AOPEP: variants seen among roughly 807,000 people sequenced by gnomAD.
The protein encoded by AOPEP is aminopeptidase O (putative).
Under a neutral mutation model 98.1 loss-of-function variants are expected in AOPEP, and 77 were observed. That is an observed-to-expected ratio of 0.78 (90% CI 0.65 to 0.95). The LOEUF (loss-of-function observed/expected upper bound fraction) is 0.95, where lower values mean the gene tolerates loss of function less well. Among genes scored for constraint, AOPEP ranks in the 40% least tolerant of loss-of-function variants. The pLI is 0.00. For missense variants in AOPEP, 1,024 were observed against 1,024.7 expected (o/e 1.00, Z 0.01); for synonymous variants, 346 against 365.3 (o/e 0.95, Z 0.60).
chr9:94,733,182 T>C (rs1182422873), intron 1 of AOPEP, among the ~76,000 whole-genome samples: 1 of 149,486 alleles, frequency 6.7e-6, no homozygotes, highest in Non-Finnish European at 1.5e-5. Flanking sequence ...TCACAACTCA[T>C]TGCAAGCTTA....
intron 13 of AOPEP, among the ~76,000 whole-genome samples, chr9:95,010,541 C>T (rs1347557499): frequency 3.9e-5 from 6 of 152,356 alleles, no homozygotes; most frequent in African/African-American, 1.4e-4. Context: ...CAGTTGAGTG[C>T]TTTCCCAGGC....
At chr9:94,862,182 T>C (rs2045103825) in intron 5 of AOPEP, among the ~76,000 whole-genome samples, 1 of 152,178 alleles carries the variant, frequency 6.6e-6, no homozygotes, top group Non-Finnish European at 1.5e-5. Context: ...TGAGTGAGAC[T>C]TCACATGTGC....
At chr9:95,002,046 G>A (rs1370978019) in intron 11 of AOPEP, among the ~76,000 whole-genome samples, 4 of 151,728 alleles carry the variant, frequency 2.6e-5, no homozygotes, top group East Asian at 1.9e-4. Flanking sequence ...CCCAAAGTGC[G>A]GGGATTACAG....
the AOPEP span, among the ~76,000 whole-genome samples, chr9:95,094,053 C>T: frequency 6.6e-6 from 1 of 152,182 alleles, no homozygotes; most frequent in Admixed American, 6.5e-5. Context: ...CTCTCTCTCC[C>T]CCACCCCTTT....
At chr9:94,821,725 G>A (rs1853183309) in intron 5 of AOPEP, among the ~76,000 whole-genome samples, 1 of 152,192 alleles carries the variant, frequency 6.6e-6, no homozygotes, top group Admixed American at 6.5e-5. Flanking sequence ...CAGAGCCTAT[G>A]CTGCTACCCT....
At chr9:95,117,257 T>C in the AOPEP span, 2 of 1,498,840 alleles carry the variant, frequency 1.3e-6, no homozygotes, top group Non-Finnish European at 1.9e-6. Context: ...AGGTCATAAT[T>C]TGACAATGCT....
downstream of AOPEP, among the ~76,000 whole-genome samples, chr9:95,091,411 A>C (rs1315395610): frequency 6.6e-6 from 1 of 152,218 alleles, no homozygotes; most frequent in Non-Finnish European, 1.5e-5. Flanking sequence ...TCAGGGGTTC[A>C]CATTAAAGTG....
chr9:94,952,244 C>T (rs1183573683), intron 7 of AOPEP, among the ~76,000 whole-genome samples: 1 of 152,204 alleles, frequency 6.6e-6, no homozygotes, highest in Non-Finnish European at 1.5e-5. Context: ...CAAGTGTATG[C>T]TGTTTCATGT....
chr9:95,128,909 CTT>C, the AOPEP span, among the ~76,000 whole-genome samples: 36 of 144,490 alleles, frequency 2.5e-4, no homozygotes, highest in Non-Finnish European at 2.1e-4. Flanking sequence ...AACCAGTCTC[CTT>C]TTTTTTTTTT....
At chr9:94,835,380 T>A (rs888231944) in intron 5 of AOPEP, among the ~76,000 whole-genome samples, 6 of 152,218 alleles carry the variant, frequency 3.9e-5, no homozygotes, top group Non-Finnish European at 7.3e-5. Flanking sequence ...TGTCTCTTCC[T>A]AACCTTGGCC....
chr9:95,044,655 A>C (rs1321228269), intron 13 of AOPEP, among the ~76,000 whole-genome samples: 1 of 151,992 alleles, frequency 6.6e-6, no homozygotes. Context: ...AGGCTGCAGA[A>C]AGGTTTGTTG....
chr9:94,994,251 G>A (rs1451059401), intron 11 of AOPEP, among the ~76,000 whole-genome samples: 2 of 152,188 alleles, frequency 1.3e-5, no homozygotes, highest in Non-Finnish European at 2.9e-5. Context: ...AGTCAATTAA[G>A]CTGCAAATGG....
At chr9:94,998,911 A>G (rs1268227019) in intron 11 of AOPEP, among the ~76,000 whole-genome samples, 1 of 152,138 alleles carries the variant, frequency 6.6e-6, no homozygotes, top group Non-Finnish European at 1.5e-5. Flanking sequence ...AGTCCTGTAT[A>G]GTATTATGTT....
the AOPEP span, chr9:95,100,139 AC>A: frequency 8.6e-6 from 2 of 232,436 alleles, no homozygotes; most frequent in South Asian, 3.6e-4. Context: ...TCCTTTTTCA[AC>A]CCCAACACCT....
chr9:95,003,165 T>TGTGTGTGTGTGTGTGC (rs1196387961), intron 11 of AOPEP, among the ~76,000 whole-genome samples: 1 of 145,948 alleles, frequency 6.9e-6, no homozygotes, highest in African/African-American at 2.5e-5. Flanking sequence ...TGTGTGTGTG[T>TGTGTGTGTGTGTGTGC]GCGCGCGCGC....
At chr9:95,061,846 C>A (rs1418047781) in intron 14 of AOPEP, among the ~76,000 whole-genome samples, 2 of 152,198 alleles carry the variant, frequency 1.3e-5, no homozygotes, top group African/African-American at 4.8e-5. Context: ...TGAGCATAGA[C>A]CAAATTTACA....
intron 11 of AOPEP, chr9:95,004,199 G>T (rs765016719): frequency 1.3e-5 from 6 of 455,800 alleles, no homozygotes; most frequent in Non-Finnish European, 2.6e-5. Context: ...CGCCCTCACC[G>T]GCAGGCGGGT....
chr9:94,736,216 C>T (rs1831734931), intron 1 of AOPEP, among the ~76,000 whole-genome samples: 1 of 152,098 alleles, frequency 6.6e-6, no homozygotes, highest in Non-Finnish European at 1.5e-5. Context: ...TTTAGAGTCC[C>T]TTCTGTTCAT....
In AOPEP at chr9:94,955,293, A is replaced by G; in HGVS notation, c.1764+14A>G. 1.3e-6 allele frequency: 2 copies of G among 1,545,230 alleles called. No individual in the cohort carries two copies. The highest frequency in any genetic ancestry group is 1.8e-6 in the Non-Finnish European group (2 of 1,123,972). ...CATTATTTAAAGGTAAGCACATGTC[A>G]GTTGCAGAAGCCAGTGATTGTGGTG... On this transcript the variant is annotated intron_variant, in intron 8 of 16. Transcript: ENST00000375315.
Sources: gnomAD v4.1 joint callset for allele counts (sites outside exome capture counted in the v4.1 genomes callset) on GRCh38, gnomAD v4.1.1 for gene constraint, MANE v1.5 for transcripts, NCBI Gene and HGNC (gene_info 2026-07-23, HGNC 2026-07-21) for gene names.